Variants in RB1 observed in about 807,000 individuals in gnomAD.
RB1 encodes RB transcriptional corepressor 1, also known as retinoblastoma-associated protein.
In RB1, 18 loss-of-function variants were observed where a neutral mutation model predicts 135.4. The ratio of observed to expected loss-of-function variants is 0.13; its 90% CI spans 0.09 to 0.20. RB1 has a LOEUF of 0.20. Among genes scored for constraint, RB1 ranks in the 10% least tolerant of loss-of-function variants. The pLI is 1.00. For synonymous variants in RB1, 365 were observed against 373.2 expected (o/e 0.98, Z 0.25); for missense variants, 868 against 1,110.0 (o/e 0.78, Z 3.10).
intron 11 of RB1, among the ~76,000 whole-genome samples, chr13:48,371,146 T>C (rs1339452233): frequency 2.0e-5 from 3 of 152,178 alleles, no homozygotes; most frequent in Non-Finnish European, 2.9e-5. Context: ...TATGCCATAC[T>C]CACAAATTTG....
chr13:48,388,301 A>T (rs1270209838), intron 17 of RB1, among the ~76,000 whole-genome samples: 1 of 152,118 alleles, frequency 6.6e-6, no homozygotes, highest in African/African-American at 2.4e-5. Context: ...GATACCTAGG[A>T]TTGAATGAGG....
At chr13:48,474,238 C>A (rs931795257) in intron 24 of RB1, among the ~76,000 whole-genome samples, 2 of 152,060 alleles carry the variant, frequency 1.3e-5, no homozygotes, top group Non-Finnish European at 1.5e-5. Flanking sequence ...CCAACCCCCT[C>A]CCCTCCCTGG....
At chr13:48,441,720 T>G (rs1593519926) in intron 17 of RB1, among the ~76,000 whole-genome samples, 1 of 152,202 alleles carries the variant, frequency 6.6e-6, no homozygotes, top group Non-Finnish European at 1.5e-5. Flanking sequence ...TAGGAATAGG[T>G]TAAACTTGAC....
At chr13:48,477,281 A>T in intron 25 of RB1, 74 bp from the exon 26 acceptor site, 4 of 1,077,712 alleles carry the variant, frequency 3.7e-6, no homozygotes, top group Non-Finnish European at 4.2e-6. Flanking sequence ...CATCGAAAGC[A>T]TCATAGTTAC....
At chr13:48,371,474 T>C (rs1431437138) in intron 11 of RB1, among the ~76,000 whole-genome samples, 2 of 152,196 alleles carry the variant, frequency 1.3e-5, no homozygotes, top group African/African-American at 4.8e-5. Flanking sequence ...TTGTCTGTTG[T>C]AGCAGTTTAC....
At chr13:48,474,563 C>T (rs1457814012) in intron 24 of RB1, among the ~76,000 whole-genome samples, 3 of 152,056 alleles carry the variant, frequency 2.0e-5, no homozygotes, top group Admixed American at 6.6e-5. Context: ...AATGTAAGCC[C>T]GATATCCAAA....
intron 2 of RB1, chr13:48,317,521 C>T (rs1258221010): frequency 2.5e-5 from 11 of 445,054 alleles, no homozygotes; most frequent in Non-Finnish European, 4.1e-5. Flanking sequence ...CCCAGCACCT[C>T]CGGCCTCGGT....
intron 8 of RB1, among the ~76,000 whole-genome samples, chr13:48,363,317 G>A (rs577991888): frequency 4.5e-4 from 69 of 152,096 alleles, no homozygotes; most frequent in African/African-American, 1.6e-3. Context: ...TTGGGAGGCC[G>A]AAGTGGGAGG....
chr13:48,320,921 A>T (rs1039004515), intron 2 of RB1, among the ~76,000 whole-genome samples: 1 of 152,150 alleles, frequency 6.6e-6, no homozygotes, highest in South Asian at 2.1e-4. Flanking sequence ...GACGACGACT[A>T]TAAACCCAGG....
rs773116120 is a variant in RB1 at position 48,381,415 on chromosome 13, G to A, written c.1667G>A (p.Arg556Gln). The A allele has an allele frequency of 9.9e-6, 16 of 1,613,566 alleles. No homozygotes were observed. The highest frequency in any genetic ancestry group is 1.7e-4 in the Middle Eastern group (1 of 6,050). The change falls in exon 17 of 27, where the codon CGA becomes CAA. Residue 556 changes from arginine (R) to glutamine (Q), a missense_variant. Physicochemically the swap from Arg to Gln is conservative, Grantham distance 43. Around this residue, in one of 3 missense-constraint regions of RB1, gnomAD observed 641 missense variants for 791.3 expected, o/e 0.81. Transcript: ENST00000267163. ...AAACATTTAGAACGATGTGAACATC[G>A]AATCATGGAATCCCTTGCATGGCTC... is the stretch of plus-strand genomic sequence containing the variant. ...MIKHLERCEHRIMESLAWLSD... is the reference protein window; with the variant it reads ...MIKHLERCEHQIMESLAWLSD...
At chr13:48,368,383 C>A in intron 10 of RB1, 144 bp from the exon 11 acceptor site, 1 of 1,002,548 alleles carries the variant, frequency 1.0e-6, no homozygotes, top group Non-Finnish European at 1.4e-6. Flanking sequence ...GCAGCTGGGT[C>A]ATCTATTTTC....
rs901907147 is a variant in RB1 at position 48,350,462 on chromosome 13, T to A, written c.607+1439T>A. Among the ~76,000 whole-genome samples, 58 of 152,084 alleles carry A rather than the reference T, an allele frequency of 3.8e-4. 1 individual carries two copies. The highest frequency in any genetic ancestry group is 3.5e-3 in the Admixed American group (53 of 15,250). On this transcript the variant is annotated intron_variant, in intron 6 of 26. Coordinates refer to ENST00000267163, the MANE Select transcript of RB1 (RefSeq NM_000321.3). ...GAAATTAAGAGGGAAATTAAAAAAA[T>A]TTTTGAAACAAATAATGGAAACATA...
intron 18 of RB1, among the ~76,000 whole-genome samples, chr13:48,453,505 G>A (rs4151580): frequency 0.017 from 2,560 of 152,310 alleles, 48 homozygotes; most frequent in Admixed American, 0.044. Flanking sequence ...TTGGAGTGAA[G>A]CATAGGATAA....
intron 17 of RB1, chr13:48,412,668 T>A (rs1948836966): frequency 3.7e-6 from 2 of 541,694 alleles, no homozygotes; most frequent in Non-Finnish European, 6.8e-6. Context: ...AGAAAATCCA[T>A]GAATTCCAAG....
At chr13:48,349,122 C>A in intron 6 of RB1, 99 bp downstream of exon 6, 1 of 1,255,602 alleles carries the variant, frequency 8.0e-7, no homozygotes, top group Non-Finnish European at 1.1e-6. Flanking sequence ...GAGTAATGTA[C>A]TCCTCCCTCA....
intron 17 of RB1, chr13:48,444,912 C>T (rs1205245697): frequency 6.6e-6 from 1 of 152,044 alleles, no homozygotes; most frequent in Non-Finnish European, 1.5e-5. Context: ...AACGTTATAA[C>T]AACACAACAG....
chr13:48,365,724 A>T (rs1186929167), intron 9 of RB1, among the ~76,000 whole-genome samples: 1 of 152,206 alleles, frequency 6.6e-6, no homozygotes, highest in Non-Finnish European at 1.5e-5. Flanking sequence ...TTAATTTATT[A>T]ATTCAACAAA....
chr13:48,314,685 C>T (rs1049662097), intron 2 of RB1, among the ~76,000 whole-genome samples: 2 of 151,876 alleles, frequency 1.3e-5, no homozygotes, highest in African/African-American at 4.8e-5. Context: ...CCTGTAGTCC[C>T]AGCTACTCTG....
rs2138098882 is a variant in RB1 at position 48,352,928 on chromosome 13, T to A, written c.607+3905T>A. On this transcript the variant is annotated intron_variant, in intron 6 of 26. Coordinates refer to ENST00000267163, the MANE Select transcript of RB1 (RefSeq NM_000321.3). The stretch of plus-strand genomic sequence containing the variant: ...GGTGAAAAAGGGCATCCTTGTCTTG[T>A]GCCAGTTTTCAAAGGGAATGCTTCA... Among the ~76,000 whole-genome samples, 4 of 152,292 alleles carry A rather than the reference T, an allele frequency of 2.6e-5. No homozygotes were observed. In the South Asian group the frequency reaches 8.3e-4, roughly 32 times the overall value.
Sources: gnomAD v4.1 joint callset for allele counts (sites outside exome capture counted in the v4.1 genomes callset) on GRCh38, gnomAD v4.1.1 for gene constraint, gnomAD v4.1.1 regional missense constraint, MANE v1.5 for transcripts, NCBI Gene and HGNC (gene_info 2026-07-23, HGNC 2026-07-21) for gene names.